Variants in PXYLP1 observed in about 807,000 individuals in gnomAD.
PXYLP1 encodes acid phosphatase-like 2.
Under a neutral mutation model 37.9 loss-of-function variants are expected in PXYLP1, and 17 were observed. That is an observed-to-expected ratio of 0.45 (90% CI 0.31 to 0.67). PXYLP1 has a LOEUF of 0.67. PXYLP1 is among the 30% of genes least tolerant of loss of function. The pLI is 0.07. For missense variants in PXYLP1, 511 were observed against 612.0 expected (o/e 0.84, Z 1.74); for synonymous variants, 221 against 232.2 (o/e 0.95, Z 0.44).
rs1559896112 is a variant in PXYLP1 at position 141,285,150 on chromosome 3, T to TTTC, written c.366-2162_366-2161insCTT. Among the ~76,000 whole-genome samples, 411 of 141,652 alleles carry TTTC rather than the reference T, an allele frequency of 2.9e-3. 3 individuals are homozygous for TTTC. The highest frequency in any genetic ancestry group is 0.011 in the African/African-American group (395 of 37,430). 92.9% of individuals were successfully genotyped at this position (141,652 alleles called of 152,430 possible). ...TTTTTTTCTTTTTCTTTTTCTTTTT[T>TTTC]TTTTTTTTTTTTTTGAGACAGGGTA... is the stretch of plus-strand genomic sequence containing the variant. On this transcript the variant is annotated intron_variant, in intron 4 of 5. Coordinates refer to ENST00000286353, the MANE Select transcript of PXYLP1 (RefSeq NM_001037172.3).
At chr3:141,274,365 G>C in intron 2 of PXYLP1, 2 of 1,433,892 alleles carry the variant, frequency 1.4e-6, no homozygotes, top group Non-Finnish European at 1.8e-6. Flanking sequence ...CGGGACCCAA[G>C]GCGTATCCTG....
chr3:141,236,150 G>C (rs6805358), intron 1 of PXYLP1: 1 of 152,172 alleles, frequency 6.6e-6, no homozygotes, highest in Non-Finnish European at 1.5e-5. Context: ...TCTGAGCTGC[G>C]TACTCGAGGG....
intron 2 of PXYLP1, chr3:141,274,514 T>G: frequency 2.7e-6 from 4 of 1,496,276 alleles, no homozygotes; most frequent in Non-Finnish European, 3.6e-6. Flanking sequence ...GAAGCCTGTT[T>G]GGATGCCCCT....
chr3:141,262,267 G>T, intron 2 of PXYLP1: 1 of 991,424 alleles, frequency 1.0e-6, no homozygotes, highest in Non-Finnish European at 1.2e-6. Context: ...TCAAAAGAAG[G>T]TGGGCATCAG....
At chr3:141,287,019 G>A (rs959971813) in intron 4 of PXYLP1, among the ~76,000 whole-genome samples, 12 of 152,196 alleles carry the variant, frequency 7.9e-5, no homozygotes, top group African/African-American at 2.7e-4. Context: ...CCCGGAGAGC[G>A]AGCCCGGAAG....
At chr3:141,280,930 C>T (rs997924567) in intron 4 of PXYLP1, among the ~76,000 whole-genome samples, 1 of 152,330 alleles carries the variant, frequency 6.6e-6, no homozygotes. Context: ...CACGATGCCA[C>T]ACCCTGTGAC....
At chr3:141,279,186 C>T (rs1197083728) in intron 3 of PXYLP1, among the ~76,000 whole-genome samples, 192 bp from the exon 4 acceptor site, 2 of 152,236 alleles carry the variant, frequency 1.3e-5, no homozygotes, top group African/African-American at 4.8e-5. Flanking sequence ...CCTTGTAAGA[C>T]TATTCAGTGG....
At chr3:141,242,551 G>A (rs1205492023) in intron 1 of PXYLP1, among the ~76,000 whole-genome samples, 1 of 152,196 alleles carries the variant, frequency 6.6e-6, no homozygotes, top group Non-Finnish European at 1.5e-5. Context: ...TCCCAGCCCT[G>A]TTTATTAAGG....
chr3:141,273,601 AG>A, intron 2 of PXYLP1: 1 of 985,354 alleles, frequency 1.0e-6, no homozygotes, highest in Non-Finnish European at 1.2e-6. Flanking sequence ...TTTGAGAGGG[AG>A]GGTCCCAAGG....
chr3:141,259,977 T>C (rs1273660193), intron 1 of PXYLP1, 146 bp from the exon 2 acceptor site: 1 of 612,024 alleles, frequency 1.6e-6, no homozygotes, highest in East Asian at 2.9e-5. Flanking sequence ...GAGCATGCTG[T>C]TGTTCTCCAG....
intron 2 of PXYLP1, among the ~76,000 whole-genome samples, chr3:141,263,708 G>A (rs1012058845): frequency 6.6e-6 from 1 of 152,206 alleles, no homozygotes; most frequent in African/African-American, 2.4e-5. Context: ...TGTGACAGGA[G>A]CACGCAGGCT....
intron 1 of PXYLP1, among the ~76,000 whole-genome samples, chr3:141,256,986 T>C (rs1157902712): frequency 6.6e-6 from 1 of 152,180 alleles, no homozygotes; most frequent in Non-Finnish European, 1.5e-5. Flanking sequence ...AGTTACACGA[T>C]CCCAGCCATC....
chr3:141,245,533 C>T (rs1940916026), intron 1 of PXYLP1, among the ~76,000 whole-genome samples: 1 of 152,202 alleles, frequency 6.6e-6, no homozygotes. Context: ...TCCAAAAGCT[C>T]AGTTGTTCAG....
At chr3:141,275,551 G>T (rs1487084022) in intron 2 of PXYLP1, among the ~76,000 whole-genome samples, 1 of 152,266 alleles carries the variant, frequency 6.6e-6, no homozygotes, top group East Asian at 1.9e-4. Context: ...AGCCAGAAGG[G>T]CCAGGTCACT....
chr3:141,247,946 A>G (rs577050782), intron 1 of PXYLP1, among the ~76,000 whole-genome samples: 3 of 151,824 alleles, frequency 2.0e-5, no homozygotes, highest in East Asian at 1.9e-4. Flanking sequence ...AGTTACATCA[A>G]CCTGGAGTTG....
chr3:141,265,564 TATTGACCCTGAAAGG>T (rs907706084), intron 2 of PXYLP1, among the ~76,000 whole-genome samples: 5 of 151,740 alleles, frequency 3.3e-5, no homozygotes, highest in African/African-American at 1.2e-4. Flanking sequence ...CCAATGAAGG[TATTGACCCTGAAAGG>T]AAGAAGCAAA....
chr3:141,275,301 C>T (rs1349199566), intron 2 of PXYLP1, among the ~76,000 whole-genome samples: 1 of 152,202 alleles, frequency 6.6e-6, no homozygotes, highest in Non-Finnish European at 1.5e-5. Flanking sequence ...ACCATGGTTC[C>T]CAAATGGCAG....
chr3:141,284,388 A>T (rs1018824626), intron 4 of PXYLP1, among the ~76,000 whole-genome samples: 1 of 40,874 alleles, frequency 2.4e-5, no homozygotes, highest in Non-Finnish European at 8.9e-5. Context: ...AGTGGCATAC[A>T]TCTTTCCGTT....
chr3:141,242,540 C>G (rs973804112), intron 1 of PXYLP1, among the ~76,000 whole-genome samples: 2 of 152,244 alleles, frequency 1.3e-5, no homozygotes, highest in African/African-American at 4.8e-5. Context: ...TTCGTTCTCC[C>G]TCCCAGCCCT....
Sources: gnomAD v4.1 joint callset for allele counts (sites outside exome capture counted in the v4.1 genomes callset) on GRCh38, gnomAD v4.1.1 for gene constraint, MANE v1.5 for transcripts, NCBI Gene and HGNC (gene_info 2026-07-23, HGNC 2026-07-21) for gene names.